The following PCCA variants were observed in gnomAD, a reference collection of about 807,000 sequenced individuals.
The protein encoded by PCCA is propionyl-CoA carboxylase alpha chain, mitochondrial.
In PCCA, 74 loss-of-function variants were observed where a neutral mutation model predicts 101.3. That is an observed-to-expected ratio of 0.73 (90% CI 0.61 to 0.89). The LOEUF is 0.89. Ranked by LOEUF, PCCA falls within the 40% of genes least tolerant of loss-of-function variation. The probability of loss-of-function intolerance (pLI) is 0.00; values close to 1 mark genes in which losing one functional copy is unlikely to be tolerated. For missense variants in PCCA, 891 were observed against 907.0 expected (o/e 0.98, Z 0.23); for synonymous variants, 294 against 313.6 (o/e 0.94, Z 0.66).
At chr13:100,253,719 C>CT (rs1198919009) in intron 8 of PCCA, among the ~76,000 whole-genome samples, 1 of 152,056 alleles carries the variant, frequency 6.6e-6, no homozygotes, top group South Asian at 2.1e-4. Context: ...GGAGTGGAGA[C>CT]TGTCTCTGTG....
Position 100,303,625 on chromosome 13 carries a change from A to C in PCCA, c.1284+627A>C, listed in dbSNP as rs1049761094. Among the ~76,000 whole-genome samples, 25 of 152,198 alleles carry C rather than the reference A, an allele frequency of 1.6e-4. 1 individual carries two copies. The highest frequency in any genetic ancestry group is 5.8e-4 in the African/African-American group (24 of 41,526). The stretch of plus-strand genomic sequence containing the variant: ...ATCAAGGTAATAAGTGCATATATAT[A>C]TATATATATGACATTATGTTAGCTA... On this transcript the variant is annotated intron_variant, in intron 14 of 23. Coordinates refer to ENST00000376285, the MANE Select transcript of PCCA (RefSeq NM_000282.4).
At chr13:100,333,318 G>A (rs1377081793) in intron 17 of PCCA, among the ~76,000 whole-genome samples, 1 of 152,146 alleles carries the variant, frequency 6.6e-6, no homozygotes, top group African/African-American at 2.4e-5. Context: ...ATATGTTTGG[G>A]GCCAGGTCAT....
In PCCA at chr13:100,225,682, T is replaced by A. The variant is rs1380859045; in HGVS notation, c.601-10160T>A. On this transcript the variant is annotated intron_variant, in intron 7 of 23. Coordinates refer to ENST00000376285, the MANE Select transcript of PCCA (RefSeq NM_000282.4). ...TTTGTCCCTGCTAAACCAAGAATAA[T>A]CAGTTTTCCTGATGAAGCCTCAAAG... Among the ~76,000 whole-genome samples the A allele has an allele frequency of 2.0e-5, 3 of 152,194 alleles. No individual in the cohort carries two copies. The East Asian group carries it at 5.8e-4, about 29-fold the overall frequency.
rs16957384 is a variant in PCCA, at chr13:100,393,190, A to T, written c.1746+24616A>T. On this transcript the variant is annotated intron_variant, in intron 19 of 23. Transcript: ENST00000376285. Reference sequence around the variant, plus strand: ...TTTAAGAAAAAAACACGATTGCTCAATATGATTATATGAGCTCACCATAAC... The same window carrying T: ...TTTAAGAAAAAAACACGATTGCTCATTATGATTATATGAGCTCACCATAAC... Among the ~76,000 whole-genome samples, 1,500 of 152,302 alleles carry T rather than the reference A, an allele frequency of 9.8e-3. 13 individuals are homozygous for T. The highest frequency in any genetic ancestry group is 0.016 in the Admixed American group (249 of 15,304).
At chr13:100,120,381 G>C (rs2049261789) in intron 4 of PCCA, among the ~76,000 whole-genome samples, 1 of 151,812 alleles carries the variant, frequency 6.6e-6, no homozygotes, top group Non-Finnish European at 1.5e-5. Flanking sequence ...TTTTTTGTGA[G>C]CCAAGCTCTT....
At chr13:100,470,562 G>A (rs1223539734) in intron 21 of PCCA, among the ~76,000 whole-genome samples, 1 of 152,044 alleles carries the variant, frequency 6.6e-6, no homozygotes, top group East Asian at 1.9e-4. Context: ...GGACATAATT[G>A]AATCTGGAGA....
At chr13:100,429,782 T>C (rs2079407386) in intron 20 of PCCA, among the ~76,000 whole-genome samples, 1 of 151,772 alleles carries the variant, frequency 6.6e-6, no homozygotes, top group African/African-American at 2.4e-5. Flanking sequence ...AATTTTTGTA[T>C]TTTTAGTAGA....
At chr13:100,499,280 T>C (rs561148229) in intron 21 of PCCA, among the ~76,000 whole-genome samples, 58 of 152,338 alleles carry the variant, frequency 3.8e-4, no homozygotes, top group African/African-American at 1.4e-3. Context: ...AACTAGGAGA[T>C]AGTTTTGTAT....
intron 18 of PCCA, among the ~76,000 whole-genome samples, chr13:100,346,135 T>C (rs2072179151): frequency 6.6e-6 from 1 of 152,220 alleles, no homozygotes; most frequent in South Asian, 2.1e-4. Context: ...GGGAGTCATT[T>C]TGATTTTCAA....
intron 6 of PCCA, among the ~76,000 whole-genome samples, chr13:100,179,963 T>G (rs982037006): frequency 6.6e-6 from 1 of 152,032 alleles, no homozygotes; most frequent in African/African-American, 2.4e-5. Flanking sequence ...AGAAAGGAAC[T>G]GGTGTGGCAG....
At chr13:100,328,689 A>ATT (rs757599001) in intron 16 of PCCA, among the ~76,000 whole-genome samples, 4,988 of 98,150 alleles carry the variant, frequency 0.051, 261 homozygotes, top group Non-Finnish European at 0.061. Context: ...GTTGAGGTTA[A>ATT]TTTTTTTTTT....
chr13:100,218,658 TCTAA>T (rs1594781539), intron 7 of PCCA, among the ~76,000 whole-genome samples: 1 of 152,218 alleles, frequency 6.6e-6, no homozygotes, highest in East Asian at 1.9e-4. Context: ...GAATTGCTTC[TCTAA>T]CTAATAGAAT....
chr13:100,457,684 A>G (rs2081847643), intron 21 of PCCA, among the ~76,000 whole-genome samples: 1 of 152,186 alleles, frequency 6.6e-6, no homozygotes, highest in South Asian at 2.1e-4. Flanking sequence ...AAGGCCATTT[A>G]CTGTACAAGC....
At chr13:100,464,779 A>G (rs2082392878) in intron 21 of PCCA, among the ~76,000 whole-genome samples, 1 of 152,194 alleles carries the variant, frequency 6.6e-6, no homozygotes. Flanking sequence ...CCAACACCAA[A>G]CTTGACCAGG....
intron 19 of PCCA, among the ~76,000 whole-genome samples, chr13:100,368,897 G>A (rs1033172152): frequency 2.0e-5 from 3 of 152,166 alleles, no homozygotes; most frequent in Non-Finnish European, 2.9e-5. Flanking sequence ...GATAGTGGTG[G>A]TAGGTAACCA....
At position 100,471,139 on chromosome 13, in the gene PCCA, T is replaced by C. The variant is rs908334895; in HGVS notation, c.1899+21834T>C. On this transcript the variant is annotated intron_variant, in intron 21 of 23. Transcript: ENST00000376285. Reference sequence around the variant, plus strand: ...TTAGAGGCCACTGTAGGGTTATTAATTGGCTTAATTTCAATACTGTTGTGT... The same window carrying C: ...TTAGAGGCCACTGTAGGGTTATTAACTGGCTTAATTTCAATACTGTTGTGT... Among the ~76,000 whole-genome samples, 6 of 152,188 alleles carry C rather than the reference T, an allele frequency of 3.9e-5. No homozygotes were observed. In the East Asian group the frequency reaches 7.7e-4, roughly 20 times the overall value.
chr13:100,163,095 C>T (rs1349176427), intron 6 of PCCA, among the ~76,000 whole-genome samples: 1 of 151,994 alleles, frequency 6.6e-6, no homozygotes, highest in Non-Finnish European at 1.5e-5. Flanking sequence ...GAAAACTCTC[C>T]CTTTACAGTT....
chr13:100,420,220 A>G (rs1359443975), intron 19 of PCCA, among the ~76,000 whole-genome samples: 1 of 152,220 alleles, frequency 6.6e-6, no homozygotes, highest in East Asian at 1.9e-4. Flanking sequence ...TCTAACCTCA[A>G]ACAGAGGTAT....
chr13:100,488,675 T>G (rs1344522665), intron 21 of PCCA, among the ~76,000 whole-genome samples: 1 of 149,606 alleles, frequency 6.7e-6, no homozygotes, highest in Non-Finnish European at 1.5e-5. Context: ...GGTGTGGTGG[T>G]GCATACCTAT....
Sources: gnomAD v4.1 joint callset for allele counts (sites outside exome capture counted in the v4.1 genomes callset) on GRCh38, gnomAD v4.1.1 for gene constraint, MANE v1.5 for transcripts, NCBI Gene and HGNC (gene_info 2026-07-23, HGNC 2026-07-21) for gene names.